The following NDST3 variants were observed in gnomAD, a reference collection of about 807,000 sequenced individuals.
NDST3 encodes the protein N-deacetylase and N-sulfotransferase 3, also known as bifunctional heparan sulfate N-deacetylase/N-sulfotransferase 3.
A neutral mutation model predicts 96.1 loss-of-function variants in NDST3; 58 were observed. The observed-to-expected ratio is 0.60, with a 90% CI of 0.49 to 0.75. The LOEUF (loss-of-function observed/expected upper bound fraction) is 0.75. NDST3 is among the 30% of genes least tolerant of loss of function. NDST3 has a pLI of 0.00. For synonymous variants in NDST3, 333 were observed against 359.7 expected (o/e 0.93, Z 0.84); for missense variants, 788 against 1,034.2 (o/e 0.76, Z 3.27).
chr4:118,082,317 T>C (rs1728089909), intron 2 of NDST3, among the ~76,000 whole-genome samples: 1 of 152,148 alleles, frequency 6.6e-6, no homozygotes, highest in African/African-American at 2.4e-5. Context: ...CCTGACATAG[T>C]TTCATGGTTG....
chr4:118,181,908 C>T (rs1736631955), intron 6 of NDST3, among the ~76,000 whole-genome samples: 1 of 152,050 alleles, frequency 6.6e-6, no homozygotes, highest in Non-Finnish European at 1.5e-5. Flanking sequence ...AAATTTTAAA[C>T]CAAAGGTATA....
intron 6 of NDST3, among the ~76,000 whole-genome samples, chr4:118,169,442 T>TA (rs1417638435): frequency 6.6e-6 from 1 of 151,976 alleles, no homozygotes; most frequent in Non-Finnish European, 1.5e-5. Context: ...TAAAGAGGCT[T>TA]AAAAAAACAT....
intron 6 of NDST3, among the ~76,000 whole-genome samples, chr4:118,183,906 A>G (rs1162888980): frequency 6.6e-6 from 1 of 152,190 alleles, no homozygotes; most frequent in Non-Finnish European, 1.5e-5. Flanking sequence ...TAAGTTTGGA[A>G]ACCCAGAAAT....
chr4:118,067,775 G>A (rs1726713065), intron 2 of NDST3, among the ~76,000 whole-genome samples: 1 of 151,982 alleles, frequency 6.6e-6, no homozygotes, highest in Non-Finnish European at 1.5e-5. Context: ...GTGATGGGAG[G>A]AAGAGCATCA....
chr4:118,156,452 T>C (rs1560684846), intron 6 of NDST3, among the ~76,000 whole-genome samples: 1 of 152,240 alleles, frequency 6.6e-6, no homozygotes. Flanking sequence ...TCATGCCTTA[T>C]TCTATTTTAC....
rs115034572 is a variant in NDST3, at chr4:118,083,707, G to A, written c.982-21311G>A. 6.6e-3 allele frequency among the ~76,000 whole-genome samples: 1,008 copies of A among 152,218 alleles called. 8 individuals carry two copies. Among genetic ancestry groups the A allele is most frequent in the African/African-American group, 0.023 (966 of 41,534 alleles). ...TGACTATGTGACCTAGTGCTTTCAT[G>A]TATTATTTCATTCCTTCTTAACAGC... On this transcript the variant is annotated intron_variant, in intron 2 of 13. Transcript: ENST00000296499.
chr4:118,174,817 G>A (rs781299177), intron 6 of NDST3, among the ~76,000 whole-genome samples: 3 of 151,970 alleles, frequency 2.0e-5, no homozygotes, highest in Admixed American at 6.6e-5. Flanking sequence ...GTTAATCTTC[G>A]GTAGCTCATT....
rs1742194953 is a variant in NDST3, at chr4:118,257,610, T to C, written c.*1898T>C. The C allele has an allele frequency of 6.6e-6, 1 of 152,176 alleles. No homozygotes were observed. The highest frequency in any genetic ancestry group is 6.5e-5 in the Admixed American group (1 of 15,278). 9.4% of individuals were successfully genotyped at this position (152,176 alleles called of 1,614,324 possible). On this transcript the variant is annotated 3_prime_UTR_variant, in exon 14 of 14. Coordinates refer to ENST00000296499, the MANE Select transcript of NDST3 (RefSeq NM_004784.3). ...TCATTTTAATGGGTAAAACTATCAA[T>C]TACTAATTAGAAAATGAATTGTGAG... is the stretch of plus-strand genomic sequence containing the variant.
intron 8 of NDST3, among the ~76,000 whole-genome samples, chr4:118,230,746 T>C (rs140258710): frequency 4.5e-4 from 68 of 152,286 alleles, no homozygotes; most frequent in Non-Finnish European, 7.9e-4. Flanking sequence ...TTACTTTGTA[T>C]ATCATAGATT....
chr4:118,091,377 C>T (rs763881026), intron 2 of NDST3, among the ~76,000 whole-genome samples: 5 of 151,810 alleles, frequency 3.3e-5, no homozygotes, highest in Non-Finnish European at 5.9e-5. Context: ...TAAGATCCCT[C>T]GAAAATATTT....
At chr4:118,189,240 G>A (rs1233640615) in intron 6 of NDST3, among the ~76,000 whole-genome samples, 1 of 152,006 alleles carries the variant, frequency 6.6e-6, no homozygotes, top group Non-Finnish European at 1.5e-5. Context: ...TAGTAGAGAT[G>A]GGGTTTGCCC....
intron 2 of NDST3, among the ~76,000 whole-genome samples, chr4:118,096,061 G>A (rs1729274781): frequency 6.6e-6 from 1 of 151,858 alleles, no homozygotes; most frequent in Non-Finnish European, 1.5e-5. Context: ...TCTGAACACT[G>A]TGTTTTGTTC....
chr4:118,068,166 C>CT (rs34891564), intron 2 of NDST3, among the ~76,000 whole-genome samples: 39,118 of 84,698 alleles, frequency 0.46, 10,146 homozygotes, highest in South Asian at 0.59. Flanking sequence ...TACTTGATCT[C>CT]TTTTTTTTTT....
At chr4:118,075,941 T>G (rs1250633258) in intron 2 of NDST3, among the ~76,000 whole-genome samples, 2 of 152,212 alleles carry the variant, frequency 1.3e-5, no homozygotes, top group African/African-American at 2.4e-5. Flanking sequence ...TTGTTGCCAT[T>G]GCTTTTTGTG....
intron 3 of NDST3, among the ~76,000 whole-genome samples, chr4:118,108,436 T>C (rs1305730152): frequency 6.6e-6 from 1 of 152,212 alleles, no homozygotes; most frequent in East Asian, 1.9e-4. Context: ...CAATTGCAAA[T>C]GCTTTTCAAA....
intron 10 of NDST3, among the ~76,000 whole-genome samples, chr4:118,238,155 AAAAG>A (rs552263074): frequency 0.084 from 7,651 of 90,954 alleles, 383 homozygotes; most frequent in East Asian, 0.12. Flanking sequence ...GAAAAGAAAG[AAAAG>A]AAAGAAAGAA....
intron 2 of NDST3, among the ~76,000 whole-genome samples, chr4:118,089,523 C>CAA (rs985163174): frequency 1.5e-4 from 23 of 151,922 alleles, no homozygotes; most frequent in Admixed American, 1.4e-3. Context: ...AATTATAACT[C>CAA]AAAATTTAAA....
At chr4:118,037,418 CT>C (rs1159525615) in intron 1 of NDST3, among the ~76,000 whole-genome samples, 7 of 152,168 alleles carry the variant, frequency 4.6e-5, no homozygotes, top group Admixed American at 4.6e-4. Context: ...AATTGAGGCA[CT>C]GAGCGGTTAC....
chr4:118,093,972 C>A (rs2125834898), intron 2 of NDST3, among the ~76,000 whole-genome samples: 1 of 151,898 alleles, frequency 6.6e-6, no homozygotes, highest in Middle Eastern at 3.4e-3. Flanking sequence ...TGTATTTTCA[C>A]ATGGCAGAAG....
Sources: gnomAD v4.1 joint callset for allele counts (sites outside exome capture counted in the v4.1 genomes callset) on GRCh38, gnomAD v4.1.1 for gene constraint, MANE v1.5 for transcripts, NCBI Gene and HGNC (gene_info 2026-07-23, HGNC 2026-07-21) for gene names.